The following DNAJB14 variants were observed in gnomAD, a reference collection of about 807,000 sequenced individuals.
DNAJB14 encodes the protein dnaJ homolog subfamily B member 14.
In DNAJB14, 22 loss-of-function variants were observed where a neutral mutation model predicts 48.4. That is an observed-to-expected ratio of 0.45 (90% CI 0.32 to 0.65). The LOEUF (loss-of-function observed/expected upper bound fraction) is 0.65, where lower values mean the gene tolerates loss of function less well. DNAJB14 is among the 30% of genes least tolerant of loss of function. The pLI, the probability that DNAJB14 is intolerant of heterozygous loss-of-function variation, is 0.03. For missense variants in DNAJB14, 319 were observed against 458.8 expected, an observed-to-expected ratio of 0.70 and a Z score of 2.78; for synonymous variants, 142 against 158.7, an observed-to-expected ratio of 0.89 and a Z score of 0.79.
At chr4:99,945,377 C>T (rs1727032199) in intron 1 of DNAJB14, among the ~76,000 whole-genome samples, 1 of 152,078 alleles carries the variant, frequency 6.6e-6, no homozygotes, top group African/African-American at 2.4e-5. Context: ...ACAAGTGGCC[C>T]CATATTTTCA....
intron 7 of DNAJB14, among the ~76,000 whole-genome samples, chr4:99,902,648 C>T (rs1440131638): frequency 6.6e-6 from 1 of 152,154 alleles, no homozygotes; most frequent in East Asian, 1.9e-4. Flanking sequence ...ATTTTCTGAG[C>T]ATTCACTATG....
At chr4:99,924,593 A>T (rs777434751) in intron 2 of DNAJB14, 4 of 698,918 alleles carry the variant, frequency 5.7e-6, no homozygotes, top group Non-Finnish European at 6.5e-6. Flanking sequence ...AGTCAATAAT[A>T]TTTATTGAAT....
chr4:99,919,201 AG>A (rs1220092007), intron 3 of DNAJB14, among the ~76,000 whole-genome samples: 1 of 152,058 alleles, frequency 6.6e-6, no homozygotes, highest in African/African-American at 2.4e-5. Flanking sequence ...TAGATAAGGC[AG>A]GCTTTTCTTG....
intron 1 of DNAJB14, among the ~76,000 whole-genome samples, chr4:99,938,580 A>G (rs1188133326): frequency 6.6e-6 from 1 of 152,044 alleles, no homozygotes; most frequent in African/African-American, 2.4e-5. Context: ...AGAAAGAGAA[A>G]GAGAAAGAGA....
intron 2 of DNAJB14, chr4:99,927,220 A>C (rs1726289165): frequency 6.6e-6 from 1 of 152,220 alleles, no homozygotes; most frequent in South Asian, 2.1e-4. Context: ...TGCCTGGTCC[A>C]GACTTTATAT....
intron 3 of DNAJB14, among the ~76,000 whole-genome samples, chr4:99,920,974 T>C (rs942315083): frequency 3.3e-4 from 51 of 152,328 alleles, no homozygotes; most frequent in African/African-American, 1.2e-3. Context: ...AACAGACTGA[T>C]TGGTTAAAAA....
Position 99,907,306 on chromosome 4 carries a change from T to A in DNAJB14, c.638-695A>T, listed in dbSNP as rs538508351. 4.0e-4 allele frequency among the ~76,000 whole-genome samples: 61 copies of A among 152,286 alleles called. No individual in the cohort carries two copies. The Middle Eastern group carries it at 0.01, about 25-fold the overall frequency. Reference sequence around the variant, plus strand: ...TTCTAACATGTCAAAACACAGGTTATATTTTCAGTCATTAATTTGCATTTA... The same window carrying A: ...TTCTAACATGTCAAAACACAGGTTAAATTTTCAGTCATTAATTTGCATTTA... On this transcript the variant is annotated intron_variant, in intron 4 of 7. Transcript: ENST00000442697.
rs771809807 is a variant in DNAJB14 at position 99,906,203 on chromosome 4, A to G, written c.732+314T>C. 3.3e-5 allele frequency: 45 copies of G among 1,344,706 alleles called. No homozygotes were observed. The South Asian group carries it at 5.4e-4, about 16-fold the overall frequency. The allele number at this position is 1,344,706 out of a possible 1,614,324, so 83.3% of individuals were successfully genotyped here. On this transcript the variant is annotated intron_variant, in intron 5 of 7. Coordinates refer to ENST00000442697, the MANE Select transcript of DNAJB14 (RefSeq NM_001031723.4). ...ATTAGAACAAGGAAAGTTACCTCCAATTCAAGTTTTTCAGTACTCTAAATT... is the reference window on the plus strand; with the variant it reads ...ATTAGAACAAGGAAAGTTACCTCCAGTTCAAGTTTTTCAGTACTCTAAATT...
Position 99,901,137 on chromosome 4 carries a change from T to A in DNAJB14, c.1031A>T (p.Tyr344Phe), listed in dbSNP as rs1428110623. 1.2e-6 allele frequency: 2 copies of A among 1,604,744 alleles called. No homozygotes were observed. The highest frequency in any genetic ancestry group is 1.7e-6 in the Non-Finnish European group (2 of 1,177,438). ...ATCATCACGGTATACTTTTGCTGCA[T>A]ACTGCATATCTGTTTCTGTTAATAA... ...KERQQKTDMQYAAKVYRDDRL... is the reference protein window; with the variant it reads ...KERQQKTDMQFAAKVYRDDRL... Residue 344 changes from tyrosine (Y) to phenylalanine (F), a missense_variant, in exon 8 of 8, where the codon TAT (tyrosine) becomes TTT (phenylalanine). Transcript: ENST00000442697.
chr4:99,923,127 C>T lies in DNAJB14; in HGVS notation c.364G>A (p.Glu122Lys), dbSNP rs1378644681. Residue 122 changes from glutamate to lysine, a missense_variant, in exon 3 of 8, where the codon GAA (glutamate) becomes AAA (lysine). Physicochemically the swap from Glu to Lys is moderately conservative, Grantham distance 56. Coordinates refer to ENST00000442697, the MANE Select transcript of DNAJB14 (RefSeq NM_001031723.4). ...VLGVTKDAGD[E>K]DLKKAYRKLA... ...TTTCTATAAGCTTTTTTCAAATCTTCATCACCAGCATCTTTCGTAACTCCA... is the reference window on the plus strand; with the variant it reads ...TTTCTATAAGCTTTTTTCAAATCTTTATCACCAGCATCTTTCGTAACTCCA... The T allele has an allele frequency of 1.9e-6, 3 of 1,612,594 alleles. No individual in the cohort carries two copies. Among genetic ancestry groups the T allele is most frequent in the African/African-American group, 2.7e-5 (2 of 74,872 alleles).
At position 99,898,977 on chromosome 4, in the gene DNAJB14, C is replaced by T. The variant is rs1400185258; in HGVS notation, c.*2051G>A. The T allele has an allele frequency of 6.6e-6, 1 of 151,910 alleles. No individual in the cohort carries two copies. Among genetic ancestry groups the T allele is most frequent in the African/African-American group, 2.4e-5 (1 of 41,448 alleles). 9.4% of individuals were successfully genotyped at this position (151,910 alleles called of 1,614,324 possible). A position where few individuals can be genotyped will look rare whatever the true frequency, so the allele number is the denominator to read the frequency against. ...GTCAGGCACTCAGTCTGTCATTTCT[C>T]ACTGCAGAAAATTTTATCAAACACA... is the stretch of plus-strand genomic sequence containing the variant. On this transcript the variant is annotated 3_prime_UTR_variant, in exon 8 of 8. Coordinates refer to ENST00000442697, the MANE Select transcript of DNAJB14 (RefSeq NM_001031723.4).
At chr4:99,904,829 A>G (rs1260560449) in intron 6 of DNAJB14, among the ~76,000 whole-genome samples, 1 of 151,560 alleles carries the variant, frequency 6.6e-6, no homozygotes, top group Non-Finnish European at 1.5e-5. Flanking sequence ...CGTTATCTCA[A>G]ATTGCCTAAA....
chr4:99,908,952 GC>G, intron 3 of DNAJB14, 56 bp from the exon 4 acceptor site: 1 of 1,270,576 alleles, frequency 7.9e-7, no homozygotes, highest in Non-Finnish European at 1.0e-6. Context: ...ATAAAAGGCT[GC>G]CCCACATAAA....
chr4:99,939,059 T>A (rs1726795149), intron 1 of DNAJB14, among the ~76,000 whole-genome samples: 1 of 152,172 alleles, frequency 6.6e-6, no homozygotes, highest in African/African-American at 2.4e-5. Context: ...TATATATGTT[T>A]AATATTTAAA....
intron 1 of DNAJB14, among the ~76,000 whole-genome samples, chr4:99,940,577 C>T (rs565604984): frequency 6.6e-6 from 1 of 152,138 alleles, no homozygotes; most frequent in East Asian, 1.9e-4. Context: ...GGCGACAGAA[C>T]GAGACACTGT....
intron 3 of DNAJB14, among the ~76,000 whole-genome samples, chr4:99,916,648 A>C (rs945799694): frequency 2.0e-5 from 3 of 152,116 alleles, no homozygotes; most frequent in African/African-American, 7.2e-5. Flanking sequence ...ACTTATCAAC[A>C]GTGTGTTCTG....
chr4:99,919,279 A>T (rs964616093), intron 3 of DNAJB14, among the ~76,000 whole-genome samples: 8 of 152,044 alleles, frequency 5.3e-5, no homozygotes, highest in African/African-American at 1.4e-4. Flanking sequence ...AATCTGGGAT[A>T]TATATGGGGT....
chr4:99,932,392 C>CACAAATA (rs1726508659), intron 1 of DNAJB14, among the ~76,000 whole-genome samples: 2 of 151,492 alleles, frequency 1.3e-5, no homozygotes, highest in Non-Finnish European at 2.9e-5. Context: ...AACAAATGGT[C>CACAAATA]AATAAGCACA....
chr4:99,934,339 G>GA (rs1311202963), intron 1 of DNAJB14, among the ~76,000 whole-genome samples: 1 of 151,608 alleles, frequency 6.6e-6, no homozygotes, highest in Non-Finnish European at 1.5e-5. Flanking sequence ...AAAATTATAA[G>GA]AAAAAAAGGA....
Sources: allele counts gnomAD v4.1 joint callset (sites outside exome capture counted in the v4.1 genomes callset), GRCh38; gene constraint gnomAD v4.1.1; transcripts MANE v1.5; gene names NCBI Gene and HGNC (gene_info 2026-07-23, HGNC 2026-07-21).